Variants in SFRP1 observed in about 807,000 individuals in gnomAD.
The protein encoded by SFRP1 is secreted frizzled related protein 1.
SFRP1 carries 9 observed loss-of-function variants against 25.9 expected under a neutral mutation model. The observed-to-expected ratio is 0.35, with a 90% CI of 0.21 to 0.61. SFRP1 has a LOEUF of 0.61. SFRP1 is among the 20% of genes least tolerant of loss of function. SFRP1 has a pLI of 0.78. For synonymous variants in SFRP1, 178 were observed against 174.0 expected, an observed-to-expected ratio of 1.02 and a Z score of -0.18; for missense variants, 346 against 418.2, an observed-to-expected ratio of 0.83 and a Z score of 1.51.
chr8:41,276,866 G>T, intron 2 of SFRP1: 1 of 449,914 alleles, frequency 2.2e-6, no homozygotes. Flanking sequence ...TTGCAACTTT[G>T]CAGAGCCCTC....
At chr8:41,280,702 G>A (rs1030504664) in intron 2 of SFRP1, among the ~76,000 whole-genome samples, 2 of 152,226 alleles carry the variant, frequency 1.3e-5, no homozygotes, top group African/African-American at 4.8e-5. Context: ...CCCTGTGGCT[G>A]CAGGAGCTGC....
In SFRP1 at chr8:41,265,289, C is replaced by T; in HGVS notation, c.823G>A (p.Val275Met). 1.2e-6 allele frequency: 2 copies of T among 1,614,136 alleles called. No homozygotes were observed. The highest frequency in any genetic ancestry group is 1.7e-5 in the Admixed American group (1 of 60,020). ...GCCGTCAGCAAGTACTGGCTCTTCA[C>T]CTTGCGGCCCATGATGAGGAAGTGG... Reference protein sequence around the residue: ...SHHFLIMGRKVKSQYLLTAIH... With the variant: ...SHHFLIMGRKMKSQYLLTAIH... Residue 275 changes from valine (V) to methionine (M), a missense_variant, in exon 3 of 3, where the codon GTG becomes ATG. Transcript: ENST00000220772.
At chr8:41,306,828 G>C (rs1342058000) in intron 1 of SFRP1, 7 of 1,598,060 alleles carry the variant, frequency 4.4e-6, no homozygotes, top group Non-Finnish European at 5.9e-6. Context: ...GTGTCCGGAA[G>C]ACAGCGATTA....
chr8:41,266,814 T>C (rs1803441111), intron 2 of SFRP1, among the ~76,000 whole-genome samples: 1 of 152,148 alleles, frequency 6.6e-6, no homozygotes, highest in Non-Finnish European at 1.5e-5. Context: ...TCCTTGAAAA[T>C]TGAGTCCTAT....
intron 2 of SFRP1, among the ~76,000 whole-genome samples, chr8:41,300,631 C>T (rs148993400): frequency 6.6e-6 from 1 of 152,188 alleles, no homozygotes; most frequent in African/African-American, 2.4e-5. Flanking sequence ...ATAAACCAAC[C>T]CAAAGGGAAG....
In SFRP1 at chr8:41,265,353, C is replaced by A. The variant is rs1457606066; in HGVS notation, c.759G>T (p.Gly253=). 6.2e-7 allele frequency: 1 copy of A among 1,614,054 alleles called. No individual in the cohort carries two copies. Among genetic ancestry groups the A allele is most frequent in the East Asian group, 2.2e-5 (1 of 44,880 alleles). ...CCAGCTGGTGGCAGGGACAGTCAGC[C>A]CCATTCTTCAGGTACAGCACAAGCT... ...LKKLVLYLKN[G]ADCPCHQLDN... is the part of the protein sequence containing the mutation. The change falls in exon 3 of 3, where the codon GGG becomes GGT. Residue 253 remains glycine (G), a synonymous_variant. Coordinates refer to ENST00000220772, the MANE Select transcript of SFRP1 (RefSeq NM_003012.5).
Position 41,262,296 on chromosome 8 carries a change from A to T in SFRP1, c.*2871T>A, listed in dbSNP as rs1449936532. ...GCAGGCTGCCTAGGGTGCTCTCCTCAAACAGATCACCTGAGCCTCCTGCAT... is the reference window on the plus strand; with the variant it reads ...GCAGGCTGCCTAGGGTGCTCTCCTCTAACAGATCACCTGAGCCTCCTGCAT... On this transcript the variant is annotated 3_prime_UTR_variant, in exon 3 of 3. Transcript: ENST00000220772. 2 of 152,224 alleles carry T rather than the reference A, an allele frequency of 1.3e-5. No homozygotes were observed. The highest frequency in any genetic ancestry group is 2.4e-5 in the African/African-American group (1 of 41,462). 9.4% of individuals were successfully genotyped at this position (152,224 alleles called of 1,614,324 possible).
At chr8:41,288,153 T>A (rs1002349224) in intron 2 of SFRP1, among the ~76,000 whole-genome samples, 1 of 150,726 alleles carries the variant, frequency 6.6e-6, no homozygotes, top group Non-Finnish European at 1.5e-5. Context: ...AGGTCAGGAG[T>A]TCAAGATCAG....
At chr8:41,295,958 G>A (rs934289148) in intron 2 of SFRP1, among the ~76,000 whole-genome samples, 20 of 152,290 alleles carry the variant, frequency 1.3e-4, no homozygotes, top group Middle Eastern at 6.8e-3. Context: ...TGTGGGATGC[G>A]GAGGGCAACC....
In SFRP1 at chr8:41,299,662, C is replaced by CAAAAA. The variant is rs61141419; in HGVS notation, c.622+3794_622+3798dup. Among the ~76,000 whole-genome samples the CAAAAA allele has an allele frequency of 7.3e-3, 483 of 66,308 alleles. 10 individuals carry two copies. Among genetic ancestry groups the CAAAAA allele is most frequent in the African/African-American group, 0.024 (353 of 14,754 alleles). 43.5% of individuals were successfully genotyped at this position (66,308 alleles called of 152,430 possible). A position where few individuals can be genotyped will look rare whatever the true frequency, so the allele number is the denominator to read the frequency against. ...GCCCAGGTAGAGCGAGACTTAGTCT[C>CAAAAA]AAAAAAAAAAAAAAAAAAAAAATTC... On this transcript the variant is annotated intron_variant, in intron 2 of 2. Coordinates refer to ENST00000220772, the MANE Select transcript of SFRP1 (RefSeq NM_003012.5).
Position 41,262,061 on chromosome 8 carries a change from G to A in SFRP1, c.*3106C>T, listed in dbSNP as rs1245096113. The A allele has an allele frequency of 6.6e-6, 1 of 152,400 alleles. No homozygotes were observed. Among genetic ancestry groups the A allele is most frequent in the Non-Finnish European group, 1.5e-5 (1 of 68,032 alleles). The allele number at this position is 152,400 out of a possible 1,614,324, so 9.4% of individuals were successfully genotyped here. Reference sequence around the variant, plus strand: ...TACGGGAATTACTATTAACATAAGCGATAACATCAAAACATCTGGTAAAAT... The same window carrying A: ...TACGGGAATTACTATTAACATAAGCAATAACATCAAAACATCTGGTAAAAT... On this transcript the variant is annotated 3_prime_UTR_variant, in exon 3 of 3. Coordinates refer to ENST00000220772, the MANE Select transcript of SFRP1 (RefSeq NM_003012.5).
rs1804031313 is a variant in SFRP1 at position 41,308,756 on chromosome 8, G to A, written c.404C>T (p.Ala135Val). Residue 135 changes from alanine to valine, a missense_variant, in exon 1 of 3, where the codon GCC (alanine) becomes GTC (valine). Coordinates refer to ENST00000220772, the MANE Select transcript of SFRP1 (RefSeq NM_003012.5). ...PIYPCRWLCE[A>V]VRDSCEPVMQ... ...GACCGGCTCGCACGAGTCGCGCACG[G>A]CCTCGCAGAGCCAGCGACACGGGTA... The A allele has an allele frequency of 6.2e-7, 1 of 1,608,754 alleles. No homozygotes were observed. Among genetic ancestry groups the A allele is most frequent in the Non-Finnish European group, 8.5e-7 (1 of 1,177,926 alleles).
At chr8:41,305,153 C>G (rs1803977367) in intron 1 of SFRP1, among the ~76,000 whole-genome samples, 1 of 152,086 alleles carries the variant, frequency 6.6e-6, no homozygotes, top group South Asian at 2.1e-4. Flanking sequence ...TTGGGTTTTC[C>G]TTGTTTAGGT....
At chr8:41,308,546 C>T in intron 1 of SFRP1, 70 bp downstream of exon 1, 2 of 1,296,100 alleles carry the variant, frequency 1.5e-6, no homozygotes, top group Admixed American at 2.4e-5. Flanking sequence ...TAGGGTGGCG[C>T]GGGTTCTCCT....
chr8:41,285,279 C>G (rs1803684315), intron 2 of SFRP1, among the ~76,000 whole-genome samples: 1 of 152,154 alleles, frequency 6.6e-6, no homozygotes, highest in Admixed American at 6.5e-5. Context: ...GCACCAGAAC[C>G]AGGACTCCCG....
At chr8:41,293,702 A>G (rs1226799735) in intron 2 of SFRP1, among the ~76,000 whole-genome samples, 2 of 152,010 alleles carry the variant, frequency 1.3e-5, no homozygotes, top group Admixed American at 6.6e-5. Context: ...GAGCAGAGAC[A>G]AAAAAGCATG....
chr8:41,276,971 C>T (rs753524813), intron 2 of SFRP1: 25 of 456,234 alleles, frequency 5.5e-5, no homozygotes, highest in African/African-American at 3.4e-4. Context: ...CCAGCAGCAT[C>T]GGTGTCAGCC....
chr8:41,280,429 C>T (rs537409454), intron 2 of SFRP1, among the ~76,000 whole-genome samples: 1 of 152,320 alleles, frequency 6.6e-6, no homozygotes, highest in South Asian at 2.1e-4. Context: ...CACTCCCTGC[C>T]CTACTCCGCT....
chr8:41,307,983 G>A (rs1804019609), intron 1 of SFRP1, among the ~76,000 whole-genome samples: 1 of 152,196 alleles, frequency 6.6e-6, no homozygotes, highest in Admixed American at 6.5e-5. Context: ...GGCAGAGCTG[G>A]TACCTGGAAG....
Sources: allele counts gnomAD v4.1 joint callset (sites outside exome capture counted in the v4.1 genomes callset), GRCh38; gene constraint gnomAD v4.1.1; transcripts MANE v1.5; gene names NCBI Gene and HGNC (gene_info 2026-07-23, HGNC 2026-07-21).